Variants in LYRM4 observed in about 807,000 individuals in gnomAD.
The protein encoded by LYRM4 is LYR motif containing 4, also known as LYR motif-containing protein 4.
LYRM4 carries 9 observed loss-of-function variants against 11.7 expected under a neutral mutation model. The ratio of observed to expected loss-of-function variants is 0.77; its 90% CI spans 0.46 to 1.34. The LOEUF (loss-of-function observed/expected upper bound fraction) is 1.34. LYRM4 is among the 40% of genes most tolerant of loss of function. LYRM4 has a pLI of 0.00. For missense variants in LYRM4, 133 were observed against 112.5 expected, an observed-to-expected ratio of 1.18 and a Z score of -0.82; for synonymous variants, 42 against 40.4, an observed-to-expected ratio of 1.04 and a Z score of -0.15.
At chr6:5,193,873 G>A (rs1760901128) in intron 2 of LYRM4, among the ~76,000 whole-genome samples, 2 of 152,004 alleles carry the variant, frequency 1.3e-5, no homozygotes, top group African/African-American at 4.8e-5. Context: ...AGGACATATA[G>A]TACCTAGGTA....
At chr6:5,232,747 T>A (rs1253146021) in intron 1 of LYRM4, among the ~76,000 whole-genome samples, 1 of 152,210 alleles carries the variant, frequency 6.6e-6, no homozygotes, top group Non-Finnish European at 1.5e-5. Context: ...TTGAGTTGCA[T>A]GAAACTTTCA....
chr6:5,045,727 T>C, the LYRM4 span, among the ~76,000 whole-genome samples: 13 of 152,310 alleles, frequency 8.5e-5, no homozygotes, highest in South Asian at 2.7e-3. Context: ...TGCCTCTAGG[T>C]AGAAGCTCAC....
intron 2 of LYRM4, among the ~76,000 whole-genome samples, chr6:5,134,271 G>A (rs1237260535): frequency 4.6e-5 from 7 of 152,256 alleles, no homozygotes; most frequent in East Asian, 1.9e-4. Context: ...CAGTTTTTAT[G>A]TAAGATAAGC....
chr6:5,142,925 C>T (rs1482495301), intron 2 of LYRM4, among the ~76,000 whole-genome samples: 3 of 152,240 alleles, frequency 2.0e-5, no homozygotes, highest in Non-Finnish European at 1.5e-5. Context: ...CAGATGTCTC[C>T]CAGGAGGCCG....
At chr6:5,211,464 G>T (rs1482991457) in intron 2 of LYRM4, among the ~76,000 whole-genome samples, 2 of 152,172 alleles carry the variant, frequency 1.3e-5, no homozygotes, top group Admixed American at 6.5e-5. Flanking sequence ...TGTAAGCTAA[G>T]AAACACTGAA....
chr6:5,048,327 G>A, the LYRM4 span, among the ~76,000 whole-genome samples: 1 of 148,100 alleles, frequency 6.8e-6, no homozygotes, highest in Non-Finnish European at 1.5e-5. Flanking sequence ...GTGTGTGTGT[G>A]TGTGTGTTTG....
the LYRM4 span, among the ~76,000 whole-genome samples, chr6:5,041,248 G>A: frequency 6.6e-6 from 1 of 151,948 alleles, no homozygotes; most frequent in Non-Finnish European, 1.5e-5. Flanking sequence ...ACTTCAGTGT[G>A]GTGTAAATGT....
chr6:5,174,209 C>T (rs933734831), intron 2 of LYRM4, among the ~76,000 whole-genome samples: 2 of 152,096 alleles, frequency 1.3e-5, no homozygotes, highest in African/African-American at 4.8e-5. Context: ...CTTTCACAAT[C>T]AGCTGTTGGT....
intron 1 of LYRM4, among the ~76,000 whole-genome samples, chr6:5,241,842 T>A (rs2753222): frequency 0.29 from 44,279 of 151,908 alleles, 8,183 homozygotes; most frequent in African/African-American, 0.53. Flanking sequence ...GCCGTGGAGA[T>A]AACTGGAAGT....
intron 1 of LYRM4, among the ~76,000 whole-genome samples, chr6:5,240,343 G>C (rs1022513509): frequency 2.6e-5 from 4 of 152,020 alleles, no homozygotes; most frequent in African/African-American, 9.7e-5. Context: ...TTTGGAATAT[G>C]GCATGTACCC....
chr6:5,205,059 T>TG (rs912746050), intron 2 of LYRM4, among the ~76,000 whole-genome samples: 7 of 151,932 alleles, frequency 4.6e-5, no homozygotes, highest in Non-Finnish European at 8.8e-5. Context: ...AACAAGGCAC[T>TG]GGGGATCACA....
the LYRM4 span, among the ~76,000 whole-genome samples, chr6:5,090,187 G>T: frequency 6.6e-6 from 1 of 152,292 alleles, no homozygotes; most frequent in African/African-American, 2.4e-5. The surrounding 1 kb of genome is among the most constrained non-coding windows in gnomAD (Gnocchi z 4.8). Flanking sequence ...TAAAAACTAA[G>T]TTCTCAGCTG....
At chr6:5,037,574 C>T in the LYRM4 span, among the ~76,000 whole-genome samples, 1 of 81,456 alleles carries the variant, frequency 1.2e-5, no homozygotes, top group African/African-American at 3.5e-5. Context: ...CCTCACTTCC[C>T]AGTAGGGGCG....
Position 5,260,675 on chromosome 6 carries a change from C to T in LYRM4, c.59G>A (p.Ser20Asn). The T allele has an allele frequency of 6.6e-6, 10 of 1,516,454 alleles. No homozygotes were observed. Among genetic ancestry groups the T allele is most frequent in the Non-Finnish European group, 8.9e-6 (10 of 1,128,236 alleles). The allele number at this position is 1,516,454 out of a possible 1,614,324, so 93.9% of individuals were successfully genotyped here. The part of the protein sequence containing the change: ...LSLYRAMLRE[S>N]KRFSAYNYRT... ...GTAATTGTAGGCGCTGAAACGCTTGCTCTCTCTCAGCATCGCCCGGTACAG... is the reference window on the plus strand; with the variant it reads ...GTAATTGTAGGCGCTGAAACGCTTGTTCTCTCTCAGCATCGCCCGGTACAG... Residue 20 changes from serine (S) to asparagine (N), a missense_variant, in exon 1 of 3, where the codon AGC (serine) becomes AAC (asparagine). Transcript: ENST00000330636.
Position 5,228,983 on chromosome 6 carries a change from G to A in LYRM4, c.87-12245C>T, listed in dbSNP as rs539060509. On this transcript the variant is annotated intron_variant, in intron 1 of 2. Transcript: ENST00000330636. Reference sequence around the variant, plus strand: ...CACGCCACTGCACTCCAGCCTGGGCGACGGAGCGAGGCTCAGTCTCAAAAA... The same window carrying A: ...CACGCCACTGCACTCCAGCCTGGGCAACGGAGCGAGGCTCAGTCTCAAAAA... Among the ~76,000 whole-genome samples the A allele has an allele frequency of 4.5e-5, 6 of 134,518 alleles. No individual in the cohort carries two copies. In the South Asian group the frequency reaches 1.2e-3, roughly 27 times the overall value. The allele number at this position is 134,518 out of a possible 152,430, so 88.2% of individuals were successfully genotyped here. A position where few individuals can be genotyped will look rare whatever the true frequency, so the allele number is the denominator to read the frequency against.
At chr6:5,247,569 G>A (rs1222655086) in intron 1 of LYRM4, among the ~76,000 whole-genome samples, 2 of 152,222 alleles carry the variant, frequency 1.3e-5, no homozygotes, top group African/African-American at 4.8e-5. Flanking sequence ...GAAAATATCT[G>A]AGTGAATATG....
At chr6:5,183,662 G>A (rs1314069176) in intron 2 of LYRM4, among the ~76,000 whole-genome samples, 2 of 152,010 alleles carry the variant, frequency 1.3e-5, no homozygotes, top group Non-Finnish European at 1.5e-5. Context: ...CCTTTAGACC[G>A]ACAAAATCAA....
intron 2 of LYRM4, among the ~76,000 whole-genome samples, chr6:5,121,097 T>C (rs1763433917): frequency 1.3e-5 from 2 of 152,130 alleles, no homozygotes; most frequent in Admixed American, 1.3e-4. Flanking sequence ...ATTACCTGGT[T>C]TTCCTTCCCT....
At chr6:5,048,451 A>G in the LYRM4 span, among the ~76,000 whole-genome samples, 43 of 152,038 alleles carry the variant, frequency 2.8e-4, no homozygotes, top group Admixed American at 2.8e-3. Flanking sequence ...AGTAGCTGGG[A>G]CTACTGGCGC....
Sources: gnomAD v4.1 joint callset for allele counts (sites outside exome capture counted in the v4.1 genomes callset) on GRCh38, gnomAD v4.1.1 for gene constraint, Gnocchi (gnomAD v3.1) non-coding constraint, MANE v1.5 for transcripts, NCBI Gene and HGNC (gene_info 2026-07-23, HGNC 2026-07-21) for gene names.